The following FKBP15 variants were observed in gnomAD, a reference collection of about 807,000 sequenced individuals.
FKBP15 encodes FK506-binding protein 15.
In FKBP15, 106 loss-of-function variants were observed where a neutral mutation model predicts 158.1. That is an observed-to-expected ratio of 0.67 (90% CI 0.57 to 0.79). The LOEUF is 0.79. FKBP15 is among the 30% of genes least tolerant of loss of function. The probability of loss-of-function intolerance (pLI) is 0.00; values close to 1 mark genes in which losing one functional copy is unlikely to be tolerated. For synonymous variants in FKBP15, 547 were observed against 548.6 expected, an observed-to-expected ratio of 1.00 and a Z score of 0.04; for missense variants, 1,287 against 1,479.1, an observed-to-expected ratio of 0.87 and a Z score of 2.13.
In FKBP15 at chr9:113,187,904, G is replaced by A. The variant is rs1408370527; in HGVS notation, c.1277-5C>T. Reference sequence around the variant, plus strand: ...CAGTAACAGATGGCTGAGGTGCTAAGATAAAGGGAGACATTTTCACTGTTA... The same window carrying A: ...CAGTAACAGATGGCTGAGGTGCTAAAATAAAGGGAGACATTTTCACTGTTA... On this transcript the variant is annotated splice_region_variant and splice_polypyrimidine_tract_variant and intron_variant, in intron 13 of 27. Coordinates refer to ENST00000238256, the MANE Select transcript of FKBP15 (RefSeq NM_015258.2). The A allele has an allele frequency of 6.2e-7, 1 of 1,607,354 alleles. No homozygotes were observed. Among genetic ancestry groups the A allele is most frequent in the African/African-American group, 1.3e-5 (1 of 74,910 alleles).
At chr9:113,196,133 A>C (rs6477994) in intron 9 of FKBP15, among the ~76,000 whole-genome samples, 1 of 151,956 alleles carries the variant, frequency 6.6e-6, no homozygotes, top group African/African-American at 2.4e-5. Flanking sequence ...CTACATAAAA[A>C]TCTATGAAAA....
rs35201179 is a variant in FKBP15, at chr9:113,210,332, CT to C, written c.169+1144del. Reference sequence around the variant, plus strand: ...ACAATCCTAGTGCCAGTTGTGATGGCTTTTTTTTTTTTTTTTTTTGAGACGG... The same window carrying C: ...ACAATCCTAGTGCCAGTTGTGATGGCTTTTTTTTTTTTTTTTTTGAGACGG... On this transcript the variant is annotated intron_variant, in intron 2 of 27. Transcript: ENST00000238256. Among the ~76,000 whole-genome samples, 261 of 114,720 alleles carry C rather than the reference CT, an allele frequency of 2.3e-3. 2 individuals are homozygous for C. The highest frequency in any genetic ancestry group is 0.012 in the East Asian group (49 of 4,238). 75.3% of individuals were successfully genotyped at this position (114,720 alleles called of 152,430 possible). A position where few individuals can be genotyped will look rare whatever the true frequency, so the allele number is the denominator to read the frequency against.
rs997609921 is a variant in FKBP15 at position 113,198,667 on chromosome 9, G to A, written c.717+188C>T. On this transcript the variant is annotated intron_variant, in intron 8 of 27. Coordinates refer to ENST00000238256, the MANE Select transcript of FKBP15 (RefSeq NM_015258.2). The surrounding 1 kb of genome is among the most constrained non-coding windows in gnomAD (Gnocchi z 5.2). The stretch of plus-strand genomic sequence containing the variant: ...CTAGGGAGGCTGAGGCAGGAGAATC[G>A]CTTGAACCTGGGAGGTGGAGGTTGC... Among the ~76,000 whole-genome samples the A allele has an allele frequency of 5.7e-4, 87 of 152,160 alleles. No individual in the cohort carries two copies. The highest frequency in any genetic ancestry group is 5.6e-3 in the Admixed American group (86 of 15,282).
chr9:113,207,194 T>C lies in FKBP15; in HGVS notation c.254+18A>G, dbSNP rs775032477. The C allele has an allele frequency of 1.2e-6, 2 of 1,601,944 alleles. No homozygotes were observed. Among genetic ancestry groups the C allele is most frequent in the South Asian group, 1.1e-5 (1 of 90,648 alleles). On this transcript the variant is annotated intron_variant, in intron 3 of 27. Transcript: ENST00000238256. ...CCTTCCACCAAACTTCAGAGGGTGT[T>C]CCTTCTCAGCGACTTACTATCGATA...
intron 27 of FKBP15, among the ~76,000 whole-genome samples, chr9:113,167,121 G>A (rs533215228): frequency 1.2e-4 from 19 of 152,328 alleles, no homozygotes; most frequent in African/African-American, 4.6e-4. Context: ...TTCAAGTGTG[G>A]CTCACAGCTT....
intron 4 of FKBP15, among the ~76,000 whole-genome samples, chr9:113,203,521 A>G (rs1178265070): frequency 6.7e-6 from 1 of 148,158 alleles, no homozygotes; most frequent in Non-Finnish European, 1.5e-5. Flanking sequence ...GTCGCTGATT[A>G]ATTTTGCTTT....
At chr9:113,175,772 T>C (rs553379305) in intron 21 of FKBP15, among the ~76,000 whole-genome samples, 4 of 152,142 alleles carry the variant, frequency 2.6e-5, no homozygotes, top group Non-Finnish European at 5.9e-5. Context: ...AGGTATTAAA[T>C]ATATGAAAGC....
intron 1 of FKBP15, 78 bp downstream of exon 1, chr9:113,221,110 TGAG>T (rs747168520): frequency 4.1e-6 from 6 of 1,446,110 alleles, no homozygotes; most frequent in Non-Finnish European, 5.6e-6. Flanking sequence ...GGAAAAGGCC[TGAG>T]AAGAGATCGA....
chr9:113,215,622 G>A lies in FKBP15; in HGVS notation c.54-4030C>T, dbSNP rs1477284513. On this transcript the variant is annotated intron_variant, in intron 1 of 27. Transcript: ENST00000238256. ...TATGTGTGCGTGTGTGTGTGTGTGT[G>A]TGTATATATATATATATATATATTT... Among the ~76,000 whole-genome samples the A allele has an allele frequency of 2.0e-3, 233 of 114,062 alleles. 2 individuals are homozygous for A. Among genetic ancestry groups the A allele is most frequent in the African/African-American group, 7.9e-3 (220 of 27,960 alleles). 74.8% of individuals were successfully genotyped at this position (114,062 alleles called of 152,430 possible).
rs985156030 is a variant in FKBP15, at chr9:113,170,610, T to A, written c.2678A>T (p.Gln893Leu). 6.2e-7 allele frequency: 1 copy of A among 1,613,324 alleles called. No individual in the cohort carries two copies. The highest frequency in any genetic ancestry group is 1.3e-5 in the African/African-American group (1 of 74,928). Reference sequence around the variant, plus strand: ...CTCTCTCCGTAAGGACTGGAACACCTGGTTCATGATCTTCTTGACCTGTGT... The same window carrying A: ...CTCTCTCCGTAAGGACTGGAACACCAGGTTCATGATCTTCTTGACCTGTGT... ...PSEKVKKIMN[Q>L]VFQSLRREFE... The change falls in exon 25 of 28, where the codon CAG becomes CTG. Residue 893 changes from glutamine to leucine, a missense_variant. Physicochemically the swap from Gln to Leu is moderately radical, Grantham distance 113. Coordinates refer to ENST00000238256, the MANE Select transcript of FKBP15 (RefSeq NM_015258.2).
In FKBP15 at chr9:113,162,976, A is replaced by G. The variant is rs1830041159; in HGVS notation, c.*3102T>C. On this transcript the variant is annotated 3_prime_UTR_variant, in exon 28 of 28. Transcript: ENST00000238256. Reference sequence around the variant, plus strand: ...GGACATGGAGCCCCCTCTTCCAGACACTATACTTCCAACTGCCCTTTCTTC... The same window carrying G: ...GGACATGGAGCCCCCTCTTCCAGACGCTATACTTCCAACTGCCCTTTCTTC... 3.5e-6 allele frequency: 5 copies of G among 1,420,980 alleles called. No individual in the cohort carries two copies. Among genetic ancestry groups the G allele is most frequent in the Middle Eastern group, 5.3e-4 (2 of 3,768 alleles). The allele number at this position is 1,420,980 out of a possible 1,614,324, so 88.0% of individuals were successfully genotyped here. A position where few individuals can be genotyped will look rare whatever the true frequency, so the allele number is the denominator to read the frequency against.
Position 113,190,531 on chromosome 9 carries a change from C to T in FKBP15, c.1113G>A (p.Met371Ile). ...KAKLISRMAK[M>I]GQPMLPILPP... ...GAAGGATGGGCAGCATGGGCTGGCCCATTTTAGCCATCCGAGAGATCAACT... is the reference window on the plus strand; with the variant it reads ...GAAGGATGGGCAGCATGGGCTGGCCTATTTTAGCCATCCGAGAGATCAACT... The change falls in exon 12 of 28, where the codon ATG becomes ATA. Residue 371 changes from methionine (M) to isoleucine (I), a missense_variant. By Grantham distance (10) the Met-to-Ile change is conservative (BLOSUM62 1). Transcript: ENST00000238256. The T allele has an allele frequency of 6.2e-7, 1 of 1,612,414 alleles. No individual in the cohort carries two copies. Among genetic ancestry groups the T allele is most frequent in the Non-Finnish European group, 8.5e-7 (1 of 1,179,286 alleles).
chr9:113,218,378 TATATATATATATA>T (rs1564195422), intron 1 of FKBP15, among the ~76,000 whole-genome samples: 3 of 82,904 alleles, frequency 3.6e-5, no homozygotes, highest in African/African-American at 1.2e-4. Flanking sequence ...TAAATACAAT[TATATATATATATA>T]TATATATATA....
intron 2 of FKBP15, among the ~76,000 whole-genome samples, chr9:113,208,382 C>G (rs550828007): frequency 6.6e-6 from 1 of 152,054 alleles, no homozygotes; most frequent in South Asian, 2.1e-4. Context: ...CAGAGTAACA[C>G]TAACATTTTC....
chr9:113,203,785 C>A (rs576578020), intron 4 of FKBP15, among the ~76,000 whole-genome samples: 1 of 152,158 alleles, frequency 6.6e-6, no homozygotes, highest in Admixed American at 6.5e-5. Context: ...CCTTGGCCTC[C>A]CAAAGTGCTG....
intron 1 of FKBP15, among the ~76,000 whole-genome samples, chr9:113,215,436 A>G (rs1473083526): frequency 3.3e-5 from 5 of 151,960 alleles, no homozygotes; most frequent in Admixed American, 6.6e-5. Context: ...ACATTTATCA[A>G]TTAAGTTCAC....
chr9:113,162,935 G>C lies in FKBP15; in HGVS notation c.*3143C>G. The C allele has an allele frequency of 6.3e-7, 1 of 1,581,348 alleles. No homozygotes were observed. Among genetic ancestry groups the C allele is most frequent in the Admixed American group, 1.8e-5 (1 of 56,414 alleles). ...CAGCTTAGCTGGTGAGGAACGTGCAGGCACTGAGGCTGGAGGGACATGGAG... is the reference window on the plus strand; with the variant it reads ...CAGCTTAGCTGGTGAGGAACGTGCACGCACTGAGGCTGGAGGGACATGGAG... On this transcript the variant is annotated 3_prime_UTR_variant, in exon 28 of 28. Transcript: ENST00000238256.
intron 23 of FKBP15, among the ~76,000 whole-genome samples, chr9:113,172,204 T>G (rs1830226833): frequency 6.6e-6 from 1 of 152,178 alleles, no homozygotes; most frequent in South Asian, 2.1e-4. Flanking sequence ...CTGCATAGTA[T>G]TCCATGGTGT....
intron 1 of FKBP15, among the ~76,000 whole-genome samples, chr9:113,215,644 A>ATTTTTTTTTTTT (rs1285341545): frequency 3.2e-5 from 2 of 61,570 alleles, no homozygotes; most frequent in Non-Finnish European, 5.5e-5. Context: ...ATATATATAT[A>ATTTTTTTTTTTT]TTTTTTTTTT....
Sources: allele counts gnomAD v4.1 joint callset (sites outside exome capture counted in the v4.1 genomes callset), GRCh38; gene constraint gnomAD v4.1.1; non-coding constraint Gnocchi (gnomAD v3.1); transcripts MANE v1.5; gene names NCBI Gene and HGNC (gene_info 2026-07-23, HGNC 2026-07-21).